PHC3: variants seen among roughly 807,000 people sequenced by gnomAD.
PHC3 encodes polyhomeotic homolog 3.
PHC3 carries 13 observed loss-of-function variants against 107.4 expected under a neutral mutation model. That is an observed-to-expected ratio of 0.12 (90% CI 0.08 to 0.19). PHC3 has a LOEUF of 0.19. Ranked by LOEUF, PHC3 falls within the 10% of genes least tolerant of loss-of-function variation. The probability of loss-of-function intolerance (pLI) is 1.00; values close to 1 mark genes in which losing one functional copy is unlikely to be tolerated. For missense variants in PHC3, 992 were observed against 1,210.9 expected (o/e 0.82, Z 2.68); for synonymous variants, 456 against 427.4 (o/e 1.07, Z -0.83).
chr3:170,137,337 A>T (rs931778114), intron 6 of PHC3, among the ~76,000 whole-genome samples: 5 of 152,158 alleles, frequency 3.3e-5, no homozygotes, highest in African/African-American at 1.2e-4. Flanking sequence ...GGGCTATATG[A>T]AACATACTGC....
At chr3:170,172,316 T>C (rs1279549045) in intron 3 of PHC3, among the ~76,000 whole-genome samples, 2 of 152,192 alleles carry the variant, frequency 1.3e-5, no homozygotes, top group African/African-American at 4.8e-5. Flanking sequence ...TAAACTAGCA[T>C]AGCATTTCTT....
At chr3:170,128,323 C>A (rs1286654447) in intron 8 of PHC3, 9 of 1,247,324 alleles carry the variant, frequency 7.2e-6, no homozygotes, top group Non-Finnish European at 8.3e-6. Flanking sequence ...CAGAAGGGAT[C>A]TATGAAGGAT....
chr3:170,127,027 C>G (rs1222399076), intron 8 of PHC3, among the ~76,000 whole-genome samples: 1 of 151,616 alleles, frequency 6.6e-6, no homozygotes, highest in Admixed American at 6.6e-5. Flanking sequence ...AATCACTGAA[C>G]TAGGTAGTGA....
At chr3:170,162,038 A>G (rs889743534) in intron 4 of PHC3, among the ~76,000 whole-genome samples, 2 of 152,240 alleles carry the variant, frequency 1.3e-5, no homozygotes, top group African/African-American at 4.8e-5. Context: ...AAAGACTAAA[A>G]TCATTTAATT....
In PHC3 at chr3:170,122,675, T is replaced by C. The variant is rs920770465; in HGVS notation, c.1858A>G (p.Arg620Gly). 6 of 1,613,982 alleles carry C rather than the reference T, an allele frequency of 3.7e-6. No homozygotes were observed. In the Admixed American group the frequency reaches 1.0e-4, roughly 27 times the overall value. The change falls in exon 9 of 15, where the codon AGA becomes GGA. Residue 620 changes from arginine to glycine, a missense_variant. Transcript: ENST00000495893. Reference protein sequence around the residue: ...EESDECVRMDRTPPPPTLSPA... With the variant: ...EESDECVRMDGTPPPPTLSPA... ...GACAAAGTGGGTGGTGGTGGGGTTC[T>C]ATCCATCCGGACACATTCATCTGAC...
chr3:170,150,070 C>T (rs1264483957), intron 4 of PHC3: 3 of 152,058 alleles, frequency 2.0e-5, no homozygotes, highest in East Asian at 1.9e-4. Flanking sequence ...AAATATCACC[C>T]TGTATCCCAT....
Position 170,088,497 on chromosome 3 carries a change from T to TAAA in PHC3, c.*8732_*8733insTTT, listed in dbSNP as rs1381743159. 1 of 152,188 alleles carries TAAA rather than the reference T, an allele frequency of 6.6e-6. No homozygotes were observed. Among genetic ancestry groups the TAAA allele is most frequent in the African/African-American group, 2.4e-5 (1 of 41,462 alleles). The allele number at this position is 152,188 out of a possible 1,614,324, so 9.4% of individuals were successfully genotyped here. The stretch of plus-strand genomic sequence containing the variant: ...TACTTTGAGGATAGTTTTTGGAACT[T>TAAA]ATTTTGACTTTTTTCCCTATAGGAA... On this transcript the variant is annotated 3_prime_UTR_variant, in exon 15 of 15. Transcript: ENST00000495893.
chr3:170,146,885 T>C (rs1453582364), intron 5 of PHC3, among the ~76,000 whole-genome samples: 3 of 143,638 alleles, frequency 2.1e-5, no homozygotes, highest in South Asian at 2.2e-4. Flanking sequence ...TTCTTTTTTT[T>C]TTTTTTTTTT....
chr3:170,154,886 T>C (rs1044243638), intron 4 of PHC3, among the ~76,000 whole-genome samples: 1 of 152,222 alleles, frequency 6.6e-6, no homozygotes, highest in Non-Finnish European at 1.5e-5. Flanking sequence ...GCTCTCCTTT[T>C]TCCTGTGTTG....
chr3:170,092,559 AACCT>A lies in PHC3; in HGVS notation c.*4667_*4670del, dbSNP rs1408987492. ...ACTGAAATCCAGACTAGGAAAGAGA[AACCT>A]ATAGCTCTTCTTTTCCCAATTCTTA... On this transcript the variant is annotated 3_prime_UTR_variant, in exon 15 of 15. Transcript: ENST00000495893. The A allele has an allele frequency of 2.0e-5, 3 of 152,324 alleles. No individual in the cohort carries two copies. The East Asian group carries it at 5.8e-4, about 29-fold the overall frequency. 9.4% of individuals were successfully genotyped at this position (152,324 alleles called of 1,614,324 possible).
chr3:170,167,143 T>C (rs1728865011), intron 4 of PHC3, among the ~76,000 whole-genome samples: 1 of 152,194 alleles, frequency 6.6e-6, no homozygotes, highest in Non-Finnish European at 1.5e-5. Flanking sequence ...TTCATTGTTA[T>C]TTGTGCATAT....
chr3:170,151,477 A>T (rs1407169634), intron 4 of PHC3, among the ~76,000 whole-genome samples: 1 of 152,160 alleles, frequency 6.6e-6, no homozygotes, highest in African/African-American at 2.4e-5. Context: ...CTGGGAAAGG[A>T]AATTCCTGGT....
intron 2 of PHC3, among the ~76,000 whole-genome samples, chr3:170,173,861 A>T (rs1437805087): frequency 6.6e-6 from 1 of 152,188 alleles, no homozygotes; most frequent in Admixed American, 6.5e-5. Context: ...AGATGTCTGA[A>T]AATCTTACAA....
rs768101716 is a variant in PHC3 at position 170,102,617 on chromosome 3, C to T, written c.2695G>A (p.Glu899Lys). The T allele has an allele frequency of 3.1e-6, 5 of 1,613,960 alleles. No homozygotes were observed. The highest frequency in any genetic ancestry group is 3.4e-6 in the Non-Finnish European group (4 of 1,179,860). The stretch of plus-strand genomic sequence containing the variant: ...CGAAGCTCACGTTCTCTTTCCCGCT[C>T]GCTCTGCCTGCGCAGACGAGTTGTC... ...AMTTRLRRQSERERERELRDV... is the reference protein window; with the variant it reads ...AMTTRLRRQSKRERERELRDV... Residue 899 changes from glutamate (E) to lysine (K), a missense_variant, in exon 14 of 15, where the codon GAG becomes AAG. This residue lies in a region of PHC3 where 228 missense variants were observed against 288.8 expected (regional missense o/e 0.79). Transcript: ENST00000495893.
At chr3:170,147,786 G>C (rs780099386) in intron 5 of PHC3, 1 of 152,044 alleles carries the variant, frequency 6.6e-6, no homozygotes, top group Admixed American at 6.6e-5. Flanking sequence ...TTCCTGAAAA[G>C]GTAATTTCCA....
intron 14 of PHC3, among the ~76,000 whole-genome samples, chr3:170,100,422 G>A (rs1715288246): frequency 6.6e-6 from 1 of 152,152 alleles, no homozygotes; most frequent in East Asian, 1.9e-4. Flanking sequence ...AGAAAACTGT[G>A]AGAAAGGTGA....
rs187986024 is a variant in PHC3 at position 170,142,094 on chromosome 3, A to C, written c.672+3329T>G. The stretch of plus-strand genomic sequence containing the variant: ...TTCCTTATAACAATGCTGAGCTGCA[A>C]GTAACGGCTCCGAGAATAGAGCTGA... On this transcript the variant is annotated intron_variant, in intron 6 of 14. Transcript: ENST00000495893. 3.9e-4 allele frequency among the ~76,000 whole-genome samples: 59 copies of C among 152,344 alleles called. 1 individual carries two copies. In the East Asian group the frequency reaches 0.01, roughly 26 times the overall value.
intron 3 of PHC3, among the ~76,000 whole-genome samples, chr3:170,172,298 TATACAC>T (rs1349610740): frequency 1.2e-4 from 19 of 152,324 alleles, no homozygotes; most frequent in African/African-American, 4.6e-4. Flanking sequence ...CCTAGAACTT[TATACAC>T]ATAAACTAGC....
intron 11 of PHC3, among the ~76,000 whole-genome samples, chr3:170,111,331 A>G (rs1330320570): frequency 1.3e-5 from 2 of 150,496 alleles, no homozygotes; most frequent in Non-Finnish European, 3.0e-5. Flanking sequence ...CGAACGAACG[A>G]AAGAACAAAA....
Sources: gnomAD v4.1 joint callset for allele counts (sites outside exome capture counted in the v4.1 genomes callset) on GRCh38, gnomAD v4.1.1 for gene constraint, gnomAD v4.1.1 regional missense constraint, MANE v1.5 for transcripts, NCBI Gene and HGNC (gene_info 2026-07-23, HGNC 2026-07-21) for gene names.